Variants in CRB1 observed in about 807,000 individuals in gnomAD.
The protein encoded by CRB1 is protein crumbs homolog 1.
CRB1 carries 83 observed loss-of-function variants against 120.0 expected under a neutral mutation model. The observed-to-expected ratio is 0.69, with a 90% confidence interval of 0.58 to 0.83. CRB1 has a LOEUF of 0.83. CRB1 is among the 40% of genes least tolerant of loss of function. The probability of loss-of-function intolerance (pLI) is 0.00; values close to 1 mark genes in which losing one functional copy is unlikely to be tolerated. For synonymous variants in CRB1, 625 were observed against 612.5 expected (o/e 1.02, Z -0.30); for missense variants, 1,699 against 1,687.6 (o/e 1.01, Z -0.12).
intron 5 of CRB1, among the ~76,000 whole-genome samples, chr1:197,377,987 T>A (rs1056644887): frequency 6.6e-6 from 1 of 152,224 alleles, no homozygotes; most frequent in African/African-American, 2.4e-5. Flanking sequence ...GTTAATTGGC[T>A]TATGGCAAAA....
intron 11 of CRB1, among the ~76,000 whole-genome samples, chr1:197,470,074 G>A (rs113381299): frequency 7.2e-5 from 11 of 152,194 alleles, no homozygotes; most frequent in African/African-American, 2.7e-4. Flanking sequence ...GAAGCTCTGT[G>A]TTGATAAAGT....
intron 11 of CRB1, among the ~76,000 whole-genome samples, chr1:197,451,612 A>T (rs780029261): frequency 6.6e-6 from 1 of 152,206 alleles, no homozygotes; most frequent in African/African-American, 2.4e-5. Context: ...CTGGGCCTGG[A>T]TGTTTGCCAT....
At chr1:197,398,092 T>C (rs1662863926) in intron 5 of CRB1, among the ~76,000 whole-genome samples, 1 of 152,200 alleles carries the variant, frequency 6.6e-6, no homozygotes, top group Non-Finnish European at 1.5e-5. Context: ...TTTGTTAAGG[T>C]CAGCAAAAAC....
In CRB1 at chr1:197,431,863, T is replaced by C. The variant is rs563154279; in HGVS notation, c.2842+2249T>C. Among the ~76,000 whole-genome samples the C allele has an allele frequency of 1.6e-4, 25 of 152,168 alleles. 1 individual carries two copies. The highest frequency in any genetic ancestry group is 3.5e-4 in the Non-Finnish European group (24 of 68,016). On this transcript the variant is annotated intron_variant, in intron 8 of 11. Coordinates refer to ENST00000367400, the MANE Select transcript of CRB1 (RefSeq NM_201253.3). ...ATAAATCAATTTTCTAATTGACAGGTATGAACCCAGAATTCACTTTTACTA... is the reference window on the plus strand; with the variant it reads ...ATAAATCAATTTTCTAATTGACAGGCATGAACCCAGAATTCACTTTTACTA...
In CRB1 at chr1:197,478,203, C is replaced by G. The variant is rs190166697; in HGVS notation, c.*324C>G. The G allele has an allele frequency of 2.9e-6, 1 of 341,698 alleles. No homozygotes were observed. The highest frequency in any genetic ancestry group is 4.5e-5 in the Admixed American group (1 of 22,250). 21.2% of individuals were successfully genotyped at this position (341,698 alleles called of 1,614,324 possible). A position where few individuals can be genotyped will look rare whatever the true frequency, so the allele number is the denominator to read the frequency against. On this transcript the variant is annotated 3_prime_UTR_variant, in exon 12 of 12. Transcript: ENST00000367400. The stretch of plus-strand genomic sequence containing the variant: ...CTCTTTCCTCTTTTCAACCTGGGAA[C>G]AAATTTTAGTTTTCATTTTAGGTTT...
intron 1 of CRB1, among the ~76,000 whole-genome samples, chr1:197,312,440 G>T (rs147117861): frequency 3.7e-4 from 56 of 152,212 alleles, no homozygotes; most frequent in African/African-American, 1.3e-3. Context: ...CAAAAAAGCT[G>T]GGCGTGGTGG....
At chr1:197,466,062 T>C (rs1666736889) in intron 11 of CRB1, among the ~76,000 whole-genome samples, 2 of 152,154 alleles carry the variant, frequency 1.3e-5, no homozygotes, top group African/African-American at 4.8e-5. Flanking sequence ...ACCTCCAAAG[T>C]TGGGCCTGGG....
At chr1:197,377,520 G>T (rs182882258) in intron 5 of CRB1, among the ~76,000 whole-genome samples, 1 of 152,048 alleles carries the variant, frequency 6.6e-6, no homozygotes. Flanking sequence ...CTCCTAATCC[G>T]GAAGTAACTA....
At chr1:197,294,664 C>A (rs1228697281) in intron 1 of CRB1, among the ~76,000 whole-genome samples, 2 of 152,076 alleles carry the variant, frequency 1.3e-5, no homozygotes, top group Non-Finnish European at 2.9e-5. Context: ...CCCAAATGTC[C>A]ATCAATGATA....
chr1:197,370,376 A>G (rs1008750355), intron 5 of CRB1, among the ~76,000 whole-genome samples: 1 of 152,312 alleles, frequency 6.6e-6, no homozygotes, highest in East Asian at 1.9e-4. Context: ...CAGAATATAC[A>G]TTCTACTCAT....
intron 11 of CRB1, among the ~76,000 whole-genome samples, chr1:197,467,655 T>G (rs1666807446): frequency 6.6e-6 from 1 of 152,238 alleles, no homozygotes; most frequent in Admixed American, 6.5e-5. Flanking sequence ...TTTGGAATTC[T>G]GTATAAAATC....
At position 197,438,692 on chromosome 1, in the gene CRB1, C is replaced by T. The variant is rs747719066; in HGVS notation, c.3878+17C>T. ...TGGAGAATGGTGAGTCACATTAGAG[C>T]CTTCTGGAAGAGAATTCTGAGCTAA... On this transcript the variant is annotated intron_variant, in intron 10 of 11. Coordinates refer to ENST00000367400, the MANE Select transcript of CRB1 (RefSeq NM_201253.3). 6.2e-7 allele frequency: 1 copy of T among 1,610,734 alleles called. No individual in the cohort carries two copies.
At chr1:197,446,813 A>C (rs1571582059) in intron 11 of CRB1, among the ~76,000 whole-genome samples, 2 of 151,984 alleles carry the variant, frequency 1.3e-5, no homozygotes, top group East Asian at 3.9e-4. Flanking sequence ...TTGGTGGATA[A>C]TATTTTTAAT....
intron 6 of CRB1, among the ~76,000 whole-genome samples, chr1:197,424,187 A>G (rs544762430): frequency 6.6e-6 from 1 of 152,210 alleles, no homozygotes; most frequent in African/African-American, 2.4e-5. Flanking sequence ...TGCCAAATGT[A>G]GTGGCTCAAA....
In CRB1 at chr1:197,421,496, G is replaced by A; in HGVS notation, c.1668G>A (p.Leu556=). 1 of 1,614,218 alleles carries A rather than the reference G, an allele frequency of 6.2e-7. No homozygotes were observed. Among genetic ancestry groups the A allele is most frequent in the Admixed American group, 1.7e-5 (1 of 60,034 alleles). The change falls in exon 6 of 12, where the codon CTG becomes CTA. Residue 556 remains leucine (L), a synonymous_variant. Coordinates refer to ENST00000367400, the MANE Select transcript of CRB1 (RefSeq NM_201253.3). The stretch of plus-strand genomic sequence containing the variant: ...TCAATAATCAGTCAAAGGTGCTTCT[G>A]TTCATTTCCCACAACACCAGCGATG... ...IQVNNQSKVL[L]FISHNTSDGE...
At chr1:197,463,715 T>C (rs1220820706) in intron 11 of CRB1, among the ~76,000 whole-genome samples, 1 of 152,202 alleles carries the variant, frequency 6.6e-6, no homozygotes, top group African/African-American at 2.4e-5. Flanking sequence ...AATTAAGAGA[T>C]GACATCTAAA....
At chr1:197,414,568 G>T (rs1185807486) in intron 5 of CRB1, among the ~76,000 whole-genome samples, 1 of 152,086 alleles carries the variant, frequency 6.6e-6, no homozygotes, top group African/African-American at 2.4e-5. Context: ...TGAGGTGACA[G>T]TTTTTAATTA....
Position 197,385,829 on chromosome 1 carries a change from G to T in CRB1, c.1171+28816G>T, listed in dbSNP as rs548859623. Among the ~76,000 whole-genome samples, 29 of 151,892 alleles carry T rather than the reference G, an allele frequency of 1.9e-4. No individual in the cohort carries two copies. The South Asian group carries it at 6.1e-3, about 32-fold the overall frequency. On this transcript the variant is annotated intron_variant, in intron 5 of 11. Transcript: ENST00000367400. ...TAACATTTAAGATTCTCTTTTTAAT[G>T]ACCCAAAAATGATAGAGAACAGTTC...
At chr1:197,269,039 A>G (rs1322043413) in intron 1 of CRB1, among the ~76,000 whole-genome samples, 1 of 152,210 alleles carries the variant, frequency 6.6e-6, no homozygotes, top group Non-Finnish European at 1.5e-5. Flanking sequence ...AAATGAAGAT[A>G]TTATTTTCCA....
Sources: allele counts gnomAD v4.1 joint callset (sites outside exome capture counted in the v4.1 genomes callset), GRCh38; gene constraint gnomAD v4.1.1; transcripts MANE v1.5; gene names NCBI Gene and HGNC (gene_info 2026-07-23, HGNC 2026-07-21).